GRB10: variants seen among roughly 807,000 people sequenced by gnomAD.
GRB10 encodes the protein growth factor receptor-bound protein 10.
GRB10 carries 20 observed loss-of-function variants against 80.9 expected under a neutral mutation model. The observed-to-expected ratio is 0.25, with a 90% CI of 0.17 to 0.36. GRB10 has a LOEUF of 0.36. Among genes scored for constraint, GRB10 ranks in the 10% least tolerant of loss-of-function variants. The pLI is 1.00. For missense variants in GRB10, 548 were observed against 747.7 expected (o/e 0.73, Z 3.12); for synonymous variants, 291 against 291.5 (o/e 1.00, Z 0.02).
At chr7:50,750,448 G>A (rs910766197) in intron 3 of GRB10, among the ~76,000 whole-genome samples, 9 of 152,124 alleles carry the variant, frequency 5.9e-5, no homozygotes, top group South Asian at 2.1e-4. Flanking sequence ...GTGCGCACGC[G>A]GAGATATCCA....
intron 4 of GRB10, among the ~76,000 whole-genome samples, chr7:50,709,199 C>A (rs6949393): frequency 0.043 from 6,550 of 152,302 alleles, 481 homozygotes; most frequent in African/African-American, 0.15. Flanking sequence ...AAGATGAACA[C>A]GAGAAGCCCT....
At chr7:50,599,235 C>CTTA (rs1386269621) in intron 17 of GRB10, among the ~76,000 whole-genome samples, 1 of 152,126 alleles carries the variant, frequency 6.6e-6, no homozygotes, top group African/African-American at 2.4e-5. Flanking sequence ...ACTTGACGGG[C>CTTA]TTATTTAAGG....
At chr7:50,777,703 G>A (rs2077835714) in intron 2 of GRB10, among the ~76,000 whole-genome samples, 1 of 151,848 alleles carries the variant, frequency 6.6e-6, no homozygotes, top group Admixed American at 6.6e-5. Context: ...AAGAAAATGT[G>A]GTACATATAC....
intron 4 of GRB10, among the ~76,000 whole-genome samples, chr7:50,721,786 G>A (rs970695936): frequency 3.3e-5 from 5 of 152,148 alleles, no homozygotes; most frequent in Non-Finnish European, 5.9e-5. Flanking sequence ...GAGGACAGAC[G>A]ACAGCATAAG....
At chr7:50,641,332 G>A (rs1218081842) in intron 7 of GRB10, among the ~76,000 whole-genome samples, 2 of 151,838 alleles carry the variant, frequency 1.3e-5, no homozygotes, top group African/African-American at 4.9e-5. Context: ...CAGCCGAAAC[G>A]TTTTGCTGGT....
At chr7:50,624,564 T>C (rs1458787366) in intron 8 of GRB10, among the ~76,000 whole-genome samples, 2 of 152,222 alleles carry the variant, frequency 1.3e-5, no homozygotes, top group African/African-American at 2.4e-5. Context: ...AGAGAAGTTA[T>C]AGGGATGGGG....
chr7:50,711,097 G>T, intron 4 of GRB10: 2 of 598,018 alleles, frequency 3.3e-6, no homozygotes, highest in Non-Finnish European at 3.0e-6. Flanking sequence ...CCACCTGGGA[G>T]AATGCCCGAT....
chr7:50,670,506 TCTC>T (rs2060246637), intron 6 of GRB10, among the ~76,000 whole-genome samples: 1 of 133,022 alleles, frequency 7.5e-6, no homozygotes, highest in African/African-American at 2.8e-5. Context: ...GGGTATCAAT[TCTC>T]TTCTTCATTA....
At chr7:50,749,201 T>A (rs1287492324) in intron 3 of GRB10, among the ~76,000 whole-genome samples, 1 of 151,036 alleles carries the variant, frequency 6.6e-6, no homozygotes, top group Admixed American at 6.6e-5. Context: ...CGATCTTGGC[T>A]CACTGCAACC....
chr7:50,675,649 T>TCCAGCCTG (rs903684591), intron 5 of GRB10, among the ~76,000 whole-genome samples: 7 of 152,230 alleles, frequency 4.6e-5, no homozygotes, highest in African/African-American at 1.7e-4. Context: ...TCCCTGGATG[T>TCCAGCCTG]CCAGCCTGCC....
intron 5 of GRB10, among the ~76,000 whole-genome samples, chr7:50,702,475 T>C (rs2064380961): frequency 6.6e-6 from 1 of 152,242 alleles, no homozygotes; most frequent in African/African-American, 2.4e-5. Flanking sequence ...TGAGTCCTTT[T>C]GGCTTTCCCA....
At chr7:50,623,973 G>T (rs1248272952) in intron 8 of GRB10, among the ~76,000 whole-genome samples, 1 of 152,162 alleles carries the variant, frequency 6.6e-6, no homozygotes, top group African/African-American at 2.4e-5. Context: ...TCAGATTTCA[G>T]ATTTTTGGAT....
At chr7:50,686,546 T>C (rs1479072978) in intron 5 of GRB10, among the ~76,000 whole-genome samples, 1 of 152,152 alleles carries the variant, frequency 6.6e-6, no homozygotes, top group African/African-American at 2.4e-5. Flanking sequence ...GAACAAAGTA[T>C]GGAACAAGCA....
rs1286305685 is a variant in GRB10 at position 50,703,673 on chromosome 7, T to C, written c.139+148A>G. 6.2e-6 allele frequency: 4 copies of C among 643,338 alleles called. No individual in the cohort carries two copies. The African/African-American group carries it at 7.2e-5, about 12-fold the overall frequency. The allele number at this position is 643,338 out of a possible 1,614,324, so 39.9% of individuals were successfully genotyped here. ...TCAGAACCAAGGATCTTTCTCTATTTGGGAATTCACTGTCCTTAATGAGAA... is the reference window on the plus strand; with the variant it reads ...TCAGAACCAAGGATCTTTCTCTATTCGGGAATTCACTGTCCTTAATGAGAA... On this transcript the variant is annotated intron_variant, in intron 5 of 18. Coordinates refer to ENST00000401949, the MANE Select transcript of GRB10 (RefSeq NM_001350814.2).
intron 3 of GRB10, among the ~76,000 whole-genome samples, chr7:50,738,674 C>A (rs2071215548): frequency 1.3e-5 from 2 of 152,180 alleles, no homozygotes; most frequent in Non-Finnish European, 2.9e-5. Flanking sequence ...TTAAAGAGTT[C>A]AGATTCTAAA....
At chr7:50,690,276 A>G (rs1458170313) in intron 5 of GRB10, among the ~76,000 whole-genome samples, 4 of 151,718 alleles carry the variant, frequency 2.6e-5, no homozygotes, top group Non-Finnish European at 5.9e-5. Flanking sequence ...AGCCTGGGCA[A>G]CAAGAGCGAA....
intron 12 of GRB10, among the ~76,000 whole-genome samples, chr7:50,614,206 A>G (rs1005167410): frequency 1.3e-5 from 2 of 152,218 alleles, no homozygotes; most frequent in Non-Finnish European, 2.9e-5. Context: ...GTGTATGTCT[A>G]TACCTGTGTG....
At chr7:50,744,824 T>C (rs183551611) in intron 3 of GRB10, among the ~76,000 whole-genome samples, 1 of 152,356 alleles carries the variant, frequency 6.6e-6, no homozygotes, top group Non-Finnish European at 1.5e-5. Context: ...ATTACAGTAG[T>C]ACAGTAATTT....
At chr7:50,693,143 AAGAC>A (rs2063027431) in intron 5 of GRB10, among the ~76,000 whole-genome samples, 1 of 151,568 alleles carries the variant, frequency 6.6e-6, no homozygotes, top group African/African-American at 2.4e-5. Context: ...AAGAGACTAA[AAGAC>A]AGAAAAACAG....
Sources: allele counts gnomAD v4.1 joint callset (sites outside exome capture counted in the v4.1 genomes callset), GRCh38; gene constraint gnomAD v4.1.1; transcripts MANE v1.5; gene names NCBI Gene and HGNC (gene_info 2026-07-23, HGNC 2026-07-21).